The following PLPPR1 variants were observed in gnomAD, a reference collection of about 807,000 sequenced individuals.
The protein encoded by PLPPR1 is phospholipid phosphatase-related protein type 1.
A neutral mutation model predicts 33.1 loss-of-function variants in PLPPR1; 10 were observed. The ratio of observed to expected loss-of-function variants is 0.30; its 90% CI spans 0.19 to 0.51. The LOEUF (loss-of-function observed/expected upper bound fraction) is 0.51, where lower values mean the gene tolerates loss of function less well. Among genes scored for constraint, PLPPR1 ranks in the 20% least tolerant of loss-of-function variants. PLPPR1 has a pLI of 0.97. For synonymous variants in PLPPR1, 151 were observed against 151.0 expected (o/e 1.00, Z 0.00); for missense variants, 304 against 408.1 (o/e 0.74, Z 2.20).
At chr9:101,238,302 T>C (rs1442242954) in intron 2 of PLPPR1, among the ~76,000 whole-genome samples, 1 of 136,076 alleles carries the variant, frequency 7.3e-6, no homozygotes, top group African/African-American at 2.7e-5. Flanking sequence ...CCTATATATA[T>C]ATAGGGTATG....
chr9:101,248,939 T>C (rs530781293), intron 2 of PLPPR1, among the ~76,000 whole-genome samples: 5 of 152,176 alleles, frequency 3.3e-5, no homozygotes, highest in African/African-American at 9.6e-5. Flanking sequence ...GGGAGTATAA[T>C]AACATCTTCC....
At chr9:101,276,393 C>T (rs1234931205) in intron 3 of PLPPR1, among the ~76,000 whole-genome samples, 4 of 151,970 alleles carry the variant, frequency 2.6e-5, no homozygotes, top group Admixed American at 6.6e-5. Flanking sequence ...ATGACTGCTC[C>T]AAATCTCCTT....
chr9:101,294,131 T>G (rs2118929148), intron 4 of PLPPR1, among the ~76,000 whole-genome samples: 1 of 152,120 alleles, frequency 6.6e-6, no homozygotes, highest in Non-Finnish European at 1.5e-5. Context: ...TCACCACCGA[T>G]CCCACAGAAA....
At chr9:101,055,470 G>A (rs773782177) in intron 1 of PLPPR1, among the ~76,000 whole-genome samples, 41 of 152,110 alleles carry the variant, frequency 2.7e-4, no homozygotes, top group Non-Finnish European at 4.7e-4. Flanking sequence ...TCAAAAGATC[G>A]GTTAATCAAT....
chr9:101,245,392 A>G (rs1827570480), intron 2 of PLPPR1, among the ~76,000 whole-genome samples: 1 of 152,014 alleles, frequency 6.6e-6, no homozygotes, highest in African/African-American at 2.4e-5. Flanking sequence ...TAAACATACA[A>G]TGTTCAATGA....
At chr9:101,317,177 A>T (rs1356639962) in intron 6 of PLPPR1, among the ~76,000 whole-genome samples, 188 bp from the exon 7 acceptor site, 1 of 152,156 alleles carries the variant, frequency 6.6e-6, no homozygotes, top group Non-Finnish European at 1.5e-5. Flanking sequence ...GTGGAGAGCG[A>T]TTATTACTGG....
chr9:101,244,304 T>TA (rs1827540340), intron 2 of PLPPR1, among the ~76,000 whole-genome samples: 2 of 152,156 alleles, frequency 1.3e-5, no homozygotes, highest in African/African-American at 4.8e-5. Context: ...AGCATGGCTT[T>TA]ATTTTTTGTT....
chr9:101,302,712 C>G (rs1238707134), intron 4 of PLPPR1, among the ~76,000 whole-genome samples: 2 of 152,100 alleles, frequency 1.3e-5, no homozygotes, highest in African/African-American at 4.8e-5. Context: ...TTTGCTTGTA[C>G]TTTTCTGTGT....
chr9:101,068,127 T>C (rs1830441075), intron 1 of PLPPR1, among the ~76,000 whole-genome samples: 1 of 152,090 alleles, frequency 6.6e-6, no homozygotes, highest in South Asian at 2.1e-4. Flanking sequence ...ATGCCAAACA[T>C]TTATTGAGCA....
At chr9:101,079,337 CT>C (rs1348519162) in intron 1 of PLPPR1, among the ~76,000 whole-genome samples, 1 of 152,142 alleles carries the variant, frequency 6.6e-6, no homozygotes, top group Admixed American at 6.5e-5. Context: ...TTTCTACTTT[CT>C]TAATTTACTC....
intron 2 of PLPPR1, among the ~76,000 whole-genome samples, chr9:101,229,209 T>C (rs1252468146): frequency 3.3e-5 from 5 of 152,152 alleles, no homozygotes; most frequent in Non-Finnish European, 5.9e-5. Context: ...GTATCTGCAG[T>C]CATTCAGTAA....
At chr9:101,090,995 A>T in intron 1 of PLPPR1, among the ~76,000 whole-genome samples, 1 of 136,572 alleles carries the variant, frequency 7.3e-6, no homozygotes, top group Non-Finnish European at 1.6e-5. Flanking sequence ...TCCCCCCTCC[A>T]CTGTTCCTCT....
intron 1 of PLPPR1, among the ~76,000 whole-genome samples, chr9:101,133,694 ATCC>A (rs59755530): frequency 0.018 from 2,696 of 152,278 alleles, 71 homozygotes; most frequent in African/African-American, 0.062. Context: ...CTTAAAGAAC[ATCC>A]TCCTTCCACA....
In PLPPR1 at chr9:101,034,864, A is replaced by G. The variant is rs117963084; in HGVS notation, c.-46+5762A>G. ...TAGTTGGCTTGAATCCTGTCTTCCT[A>G]AGTGCAGAAATTAAATCAGCAGACA... On this transcript the variant is annotated intron_variant, in intron 1 of 7. Transcript: ENST00000374874. Among the ~76,000 whole-genome samples the G allele has an allele frequency of 3.2e-4, 48 of 152,262 alleles. No homozygotes were observed. The East Asian group carries it at 8.5e-3, about 27-fold the overall frequency.
At chr9:101,254,546 A>C (rs1013770592) in intron 2 of PLPPR1, among the ~76,000 whole-genome samples, 4 of 152,106 alleles carry the variant, frequency 2.6e-5, no homozygotes, top group Non-Finnish European at 4.4e-5. Context: ...TCCCTGATCT[A>C]GATTATACTA....
rs894827294 is a variant in PLPPR1, at chr9:101,083,081, A to G, written c.-46+53979A>G. Among the ~76,000 whole-genome samples the G allele has an allele frequency of 2.0e-5, 3 of 152,224 alleles. No individual in the cohort carries two copies. In the East Asian group the frequency reaches 5.8e-4, roughly 30 times the overall value. On this transcript the variant is annotated intron_variant, in intron 1 of 7. Transcript: ENST00000374874. Reference sequence around the variant, plus strand: ...TTAGAATCTAGTTTAAGGACTGTAAACGCCTGATTCTACAGCACAGATCAG... The same window carrying G: ...TTAGAATCTAGTTTAAGGACTGTAAGCGCCTGATTCTACAGCACAGATCAG...
chr9:101,126,247 A>C (rs1831245423), intron 1 of PLPPR1, among the ~76,000 whole-genome samples: 1 of 152,336 alleles, frequency 6.6e-6, no homozygotes, highest in East Asian at 1.9e-4. Flanking sequence ...GAAGCAGACC[A>C]TGCAGTTGAG....
At chr9:101,190,609 C>T (rs575772282) in intron 2 of PLPPR1, among the ~76,000 whole-genome samples, 1 of 152,164 alleles carries the variant, frequency 6.6e-6, no homozygotes, top group South Asian at 2.1e-4. Context: ...TGCCAACCAG[C>T]CTCTACAATT....
intron 1 of PLPPR1, among the ~76,000 whole-genome samples, chr9:101,146,208 C>T (rs924914808): frequency 2.0e-5 from 3 of 152,198 alleles, no homozygotes; most frequent in South Asian, 2.1e-4. Flanking sequence ...ACTGCATCCC[C>T]GATGACTTGC....
Sources: allele counts gnomAD v4.1 joint callset (sites outside exome capture counted in the v4.1 genomes callset), GRCh38; gene constraint gnomAD v4.1.1; transcripts MANE v1.5; gene names NCBI Gene and HGNC (gene_info 2026-07-23, HGNC 2026-07-21).